Variants in DISC1 observed in about 807,000 individuals in gnomAD.
DISC1 encodes DISC1 scaffold protein.
Under a neutral mutation model 84.5 loss-of-function variants are expected in DISC1, and 57 were observed. The ratio of observed to expected loss-of-function variants is 0.67; its 90% confidence interval spans 0.55 to 0.84. DISC1 has a LOEUF of 0.84. Ranked by LOEUF, DISC1 falls within the 40% of genes least tolerant of loss-of-function variation. The pLI is 0.00. For synonymous variants in DISC1, 411 were observed against 415.2 expected (o/e 0.99, Z 0.12); for missense variants, 1,000 against 1,057.8 (o/e 0.95, Z 0.76).
At chr1:231,998,532 T>C (rs539940359) in intron 10 of DISC1, among the ~76,000 whole-genome samples, 44 of 152,284 alleles carry the variant, frequency 2.9e-4, no homozygotes, top group African/African-American at 1.0e-3. Flanking sequence ...GGATGAGAAC[T>C]AGATCGACCT....
chr1:231,969,186 GTTTTTTTTTT>G (rs71573149), intron 10 of DISC1, among the ~76,000 whole-genome samples: 2 of 91,654 alleles, frequency 2.2e-5, no homozygotes, highest in Admixed American at 1.4e-4. Context: ...ACACTCAGCG[GTTTTTTTTTT>G]TTTTTTTTTT....
At chr1:231,833,992 A>T (rs1050607859) in intron 9 of DISC1, among the ~76,000 whole-genome samples, 42 of 152,310 alleles carry the variant, frequency 2.8e-4, no homozygotes, top group African/African-American at 9.6e-4. Flanking sequence ...CCAGGGCTGT[A>T]AAGTGTCTCA....
chr1:231,929,439 C>T (rs982425807), intron 9 of DISC1, among the ~76,000 whole-genome samples: 2 of 152,194 alleles, frequency 1.3e-5, no homozygotes, highest in Non-Finnish European at 2.9e-5. Context: ...CCTGAGACGC[C>T]GAAAACGGCT....
intron 1 of DISC1, among the ~76,000 whole-genome samples, chr1:231,640,886 T>G (rs758184030): frequency 2.0e-5 from 3 of 152,112 alleles, no homozygotes; most frequent in Non-Finnish European, 4.4e-5. Context: ...CCTGGTTGAC[T>G]TACACTCTTT....
chr1:231,867,560 G>T lies in DISC1; in HGVS notation c.1981+49043G>T, dbSNP rs147407803. Among the ~76,000 whole-genome samples the T allele has an allele frequency of 8.0e-3, 1,223 of 152,238 alleles. 6 individuals are homozygous for T. Among genetic ancestry groups the T allele is most frequent in the Admixed American group, 0.01 (160 of 15,298 alleles). On this transcript the variant is annotated intron_variant, in intron 9 of 12. Coordinates refer to ENST00000439617, the MANE Select transcript of DISC1 (RefSeq NM_018662.3). ...ATAGATGCTCTTAATTAATTAGGCT[G>T]CTAGTAAACCCTCCTGAGTGTGCAA... is the stretch of plus-strand genomic sequence containing the variant.
intron 9 of DISC1, among the ~76,000 whole-genome samples, chr1:231,886,072 G>T (rs1282901752): frequency 6.6e-6 from 1 of 152,160 alleles, no homozygotes; most frequent in East Asian, 1.9e-4. Flanking sequence ...GCAAGGGGGG[G>T]CCAAGTTGTC....
At chr1:231,695,895 T>C (rs1367411219) in intron 2 of DISC1, among the ~76,000 whole-genome samples, 1 of 152,108 alleles carries the variant, frequency 6.6e-6, no homozygotes, top group Non-Finnish European at 1.5e-5. Flanking sequence ...GTTTCAGCCC[T>C]CAGGGACCTC....
At chr1:231,722,659 A>C in intron 3 of DISC1, 1 of 1,612,548 alleles carries the variant, frequency 6.2e-7, no homozygotes. Context: ...AGCGTAGATC[A>C]TGACTTCTTT....
intron 6 of DISC1, among the ~76,000 whole-genome samples, chr1:231,787,571 A>T (rs1215430126): frequency 1.3e-5 from 2 of 152,164 alleles, no homozygotes; most frequent in Non-Finnish European, 2.9e-5. Context: ...TAACCTAATC[A>T]TTTCTTAAAG....
chr1:231,924,658 AT>A (rs1338480700), intron 9 of DISC1, among the ~76,000 whole-genome samples: 4,225 of 142,200 alleles, frequency 0.03, 61 homozygotes, highest in African/African-American at 0.04. Flanking sequence ...ATTTGCAACA[AT>A]TTTTTTTTTT....
chr1:232,009,333 A>G lies in DISC1; in HGVS notation c.2307+284A>G, dbSNP rs944575323. On this transcript the variant is annotated intron_variant, in intron 11 of 12. Transcript: ENST00000439617. The surrounding 1 kb of genome is among the most constrained non-coding windows in gnomAD (Gnocchi z 4.6). Reference sequence around the variant, plus strand: ...ATATGCAGTCTAATATAGAATTACCATATATAGCATACATTATATATGTCA... The same window carrying G: ...ATATGCAGTCTAATATAGAATTACCGTATATAGCATACATTATATATGTCA... 8.8e-7 allele frequency: 1 copy of G among 1,132,826 alleles called. No homozygotes were observed. The highest frequency in any genetic ancestry group is 2.2e-5 in the South Asian group (1 of 46,236). 70.2% of individuals were successfully genotyped at this position (1,132,826 alleles called of 1,614,324 possible).
chr1:231,762,887 TATC>T (rs2075878009), intron 4 of DISC1, among the ~76,000 whole-genome samples: 1 of 152,178 alleles, frequency 6.6e-6, no homozygotes, highest in Non-Finnish European at 1.5e-5. Flanking sequence ...ACATTTTTGT[TATC>T]ATCATCACTG....
intron 9 of DISC1, among the ~76,000 whole-genome samples, chr1:231,853,053 GA>G (rs2084011841): frequency 1.3e-5 from 2 of 152,268 alleles, no homozygotes; most frequent in African/African-American, 4.8e-5. Flanking sequence ...TTTTTAAACA[GA>G]ACCAAATGCA....
chr1:231,638,814 G>A (rs1202901641), intron 1 of DISC1, among the ~76,000 whole-genome samples: 2 of 152,138 alleles, frequency 1.3e-5, no homozygotes, highest in African/African-American at 4.8e-5. Flanking sequence ...TTAGGAGACT[G>A]CCTTTGATTA....
At chr1:231,725,106 G>A (rs1444295146) in intron 3 of DISC1, among the ~76,000 whole-genome samples, 2 of 151,964 alleles carry the variant, frequency 1.3e-5, no homozygotes, top group African/African-American at 2.4e-5. Context: ...AGCAGGGAGG[G>A]GGAGTCAGCC....
intron 3 of DISC1, chr1:231,702,333 C>T: frequency 9.4e-7 from 1 of 1,061,266 alleles, no homozygotes; most frequent in Non-Finnish European, 1.1e-6. Context: ...CTATAATCCA[C>T]TTGTTCATAA....
intron 8 of DISC1, among the ~76,000 whole-genome samples, chr1:231,818,021 G>T (rs2081195472): frequency 6.6e-6 from 1 of 152,258 alleles, no homozygotes; most frequent in South Asian, 2.1e-4. Flanking sequence ...ACACATTGTG[G>T]TTTCTCTGGA....
intron 3 of DISC1, among the ~76,000 whole-genome samples, chr1:231,721,632 A>G (rs564093247): frequency 6.6e-6 from 1 of 152,086 alleles, no homozygotes; most frequent in Admixed American, 6.5e-5. Flanking sequence ...TTTTGGATCC[A>G]TGTATTCTCT....
In DISC1 at chr1:231,958,280, G is replaced by A. The variant is rs117514272; in HGVS notation, c.1982-548G>A. Among the ~76,000 whole-genome samples the A allele has an allele frequency of 1.7e-3, 262 of 152,332 alleles. 3 individuals are homozygous for A. Among genetic ancestry groups the A allele is most frequent in the East Asian group, 9.4e-3 (49 of 5,192 alleles). On this transcript the variant is annotated intron_variant, in intron 9 of 12. Coordinates refer to ENST00000439617, the MANE Select transcript of DISC1 (RefSeq NM_018662.3). ...CTTCAACATTTGGTAATTAGGAAGC[G>A]CTGAGTTTATCTCAAAGAGTAGCTG...
Sources: allele counts gnomAD v4.1 joint callset (sites outside exome capture counted in the v4.1 genomes callset), GRCh38; gene constraint gnomAD v4.1.1; non-coding constraint Gnocchi (gnomAD v3.1); transcripts MANE v1.5; gene names NCBI Gene and HGNC (gene_info 2026-07-23, HGNC 2026-07-21).